Variants in TRIM5 observed in about 807,000 individuals in gnomAD.
TRIM5 encodes tripartite motif containing 5.
A neutral mutation model predicts 35.6 loss-of-function variants in TRIM5; 31 were observed. The observed-to-expected ratio is 0.87, with a 90% CI of 0.65 to 1.18. TRIM5 has a LOEUF of 1.18. TRIM5 is among the 50% of genes most tolerant of loss of function. The probability of loss-of-function intolerance (pLI) is 0.00; values close to 1 mark genes in which losing one functional copy is unlikely to be tolerated. For missense variants in TRIM5, 609 were observed against 591.6 expected, an observed-to-expected ratio of 1.03 and a Z score of -0.31; for synonymous variants, 243 against 215.6, an observed-to-expected ratio of 1.13 and a Z score of -1.11.
chr11:5,605,473 C>T, the TRIM5 span: 1 of 1,614,182 alleles, frequency 6.2e-7, no homozygotes, highest in Admixed American at 1.7e-5. Flanking sequence ...ATAGAAGAGG[C>T]TGAGAATGAT....
the TRIM5 span, chr11:5,644,290 A>C: frequency 2.5e-6 from 1 of 398,752 alleles, no homozygotes; most frequent in African/African-American, 2.1e-5. Flanking sequence ...GGGATTTAAG[A>C]CTGTACCTAA....
At chr11:5,646,941 A>C in the TRIM5 span, among the ~76,000 whole-genome samples, 95,004 of 151,854 alleles carry the variant, frequency 0.63, 29,962 homozygotes, top group Admixed American at 0.69. Flanking sequence ...GATTTTAAAA[A>C]AAACAAACAA....
At chr11:5,643,185 G>C in the TRIM5 span, 1 of 1,584,440 alleles carries the variant, frequency 6.3e-7, no homozygotes, top group Non-Finnish European at 8.6e-7. Flanking sequence ...TTTGAATCTT[G>C]TCCTTTCAGA....
At position 5,665,065 on chromosome 11, in the gene TRIM5, T is replaced by G; in HGVS notation, c.1226A>C (p.Lys409Thr). 6.2e-7 allele frequency: 1 copy of G among 1,614,052 alleles called. No homozygotes were observed. The highest frequency in any genetic ancestry group is 8.5e-7 in the Non-Finnish European group (1 of 1,180,024). ...YWVIGLEEGVKCSAFQDSSFH... is the reference protein window; with the variant it reads ...YWVIGLEEGVTCSAFQDSSFH... ...GGAACTATCCTGGAAAGCACTACATTTAACTCCTTCCTCTAACCCTATAAC... is the reference window on the plus strand; with the variant it reads ...GGAACTATCCTGGAAAGCACTACATGTAACTCCTTCCTCTAACCCTATAAC... The change falls in exon 8 of 8, where the codon AAA (lysine) becomes ACA (threonine). Residue 409 changes from lysine (K) to threonine (T), a missense_variant. Lys to Thr is a moderately conservative substitution (Grantham distance 78). Coordinates refer to ENST00000380034, the MANE Select transcript of TRIM5 (RefSeq NM_033034.3).
chr11:5,676,634 C>T (rs1317595640), intron 4 of TRIM5, among the ~76,000 whole-genome samples: 15 of 150,552 alleles, frequency 1.0e-4, no homozygotes, highest in South Asian at 6.3e-4. Context: ...AAAAAGAGCC[C>T]GCATCACCAA....
chr11:5,608,179 T>C, the TRIM5 span, among the ~76,000 whole-genome samples: 1 of 152,158 alleles, frequency 6.6e-6, no homozygotes, highest in Non-Finnish European at 1.5e-5. Context: ...GATGAGTCAA[T>C]TGAGTTATTT....
chr11:5,672,631 T>C (rs1851662779), intron 4 of TRIM5, among the ~76,000 whole-genome samples: 2 of 152,168 alleles, frequency 1.3e-5, no homozygotes. Flanking sequence ...TACTATAAAA[T>C]GTGAGTTAAG....
chr11:5,596,773 A>T, the TRIM5 span: 1 of 1,460,558 alleles, frequency 6.8e-7, no homozygotes. Flanking sequence ...GGTTGAGTTT[A>T]GATAAAAGCC....
the TRIM5 span, among the ~76,000 whole-genome samples, chr11:5,648,714 C>T: frequency 3.3e-5 from 5 of 152,190 alleles, no homozygotes; most frequent in Middle Eastern, 3.4e-3. Flanking sequence ...ACAGTTTTCA[C>T]CCTTGTGGAA....
At chr11:5,629,900 G>T in the TRIM5 span, among the ~76,000 whole-genome samples, 1 of 152,220 alleles carries the variant, frequency 6.6e-6, no homozygotes, top group East Asian at 1.9e-4. Context: ...TAGAGATGGG[G>T]TTTCACCTTG....
the TRIM5 span, chr11:5,604,501 T>G: frequency 6.3e-7 from 1 of 1,596,008 alleles, no homozygotes; most frequent in Non-Finnish European, 8.5e-7. Context: ...ACTGAAGGCT[T>G]GATCCTGCTT....
At chr11:5,634,530 C>CACACACACACACACACACACATAT in the TRIM5 span, 17 of 262,034 alleles carry the variant, frequency 6.5e-5, no homozygotes, top group African/African-American at 5.3e-4. Flanking sequence ...CACACACACA[C>CACACACACACACACACACACATAT]ATATATATAT....
chr11:5,660,137 C>T (rs34617772), downstream of TRIM5, among the ~76,000 whole-genome samples: 11,043 of 152,088 alleles, frequency 0.073, 551 homozygotes, highest in Non-Finnish European at 0.11. Context: ...CCACCATGCC[C>T]GGCTAATTTT....
intron 4 of TRIM5, among the ~76,000 whole-genome samples, chr11:5,670,587 T>C (rs144741850): frequency 5.1e-4 from 78 of 152,232 alleles, no homozygotes; most frequent in African/African-American, 1.9e-3. Context: ...CACACACATA[T>C]GGAAAGGATA....
the TRIM5 span, among the ~76,000 whole-genome samples, chr11:5,603,952 T>C: frequency 6.6e-6 from 1 of 151,926 alleles, no homozygotes; most frequent in Non-Finnish European, 1.5e-5. Context: ...ACTTGGTTGA[T>C]TGAGTGTGGA....
At chr11:5,591,509 G>A in the TRIM5 span, among the ~76,000 whole-genome samples, 10 of 152,208 alleles carry the variant, frequency 6.6e-5, no homozygotes, top group East Asian at 1.9e-4. Flanking sequence ...TTAGCTGGGC[G>A]TGTTGGCACA....
the TRIM5 span, among the ~76,000 whole-genome samples, chr11:5,600,903 T>A: frequency 6.6e-6 from 1 of 152,106 alleles, no homozygotes; most frequent in Admixed American, 6.5e-5. Flanking sequence ...AACAAATGGC[T>A]CCCAGTGAAA....
intron 6 of TRIM5, 56 bp from the exon 7 acceptor site, chr11:5,665,738 T>C (rs1286476444): frequency 4.1e-6 from 6 of 1,472,588 alleles, no homozygotes; most frequent in Non-Finnish European, 4.5e-6. Flanking sequence ...AGCACTGAAA[T>C]TCATTTTCTC....
the TRIM5 span, among the ~76,000 whole-genome samples, chr11:5,627,761 A>G: frequency 6.6e-6 from 1 of 152,168 alleles, no homozygotes; most frequent in Admixed American, 6.5e-5. Flanking sequence ...GGATGTCAAA[A>G]CAGGCTCTAC....
Sources: allele counts gnomAD v4.1 joint callset (sites outside exome capture counted in the v4.1 genomes callset), GRCh38; gene constraint gnomAD v4.1.1; transcripts MANE v1.5; gene names NCBI Gene and HGNC (gene_info 2026-07-23, HGNC 2026-07-21).